USP36: variants seen among roughly 807,000 people sequenced by gnomAD.
The protein encoded by USP36 is ubiquitin specific peptidase 36, also known as ubiquitin carboxyl-terminal hydrolase 36.
In USP36, 59 loss-of-function variants were observed where a neutral mutation model predicts 111.5. The ratio of observed to expected loss-of-function variants is 0.53; its 90% CI spans 0.43 to 0.66. The LOEUF (loss-of-function observed/expected upper bound fraction) is 0.66. Among genes scored for constraint, USP36 ranks in the 30% least tolerant of loss-of-function variants. USP36 has a pLI of 0.00. For synonymous variants in USP36, 628 were observed against 581.0 expected (o/e 1.08, Z -1.16); for missense variants, 1,488 against 1,468.0 (o/e 1.01, Z -0.22).
At chr17:78,827,907 T>C (rs1210947811) in intron 5 of USP36, among the ~76,000 whole-genome samples, 3 of 152,116 alleles carry the variant, frequency 2.0e-5, no homozygotes, top group Non-Finnish European at 4.4e-5. Context: ...CAAGACTCTA[T>C]CTCAGAAAGA....
intron 17 of USP36, 93 bp from the exon 18 acceptor site, chr17:78,799,861 G>C: frequency 3.0e-5 from 10 of 334,398 alleles, no homozygotes; most frequent in East Asian, 8.1e-5. Context: ...ACAACTTACA[G>C]TAAGTGGATG....
intron 6 of USP36, among the ~76,000 whole-genome samples, chr17:78,825,103 A>G (rs2067416935): frequency 6.6e-6 from 1 of 152,198 alleles, no homozygotes; most frequent in East Asian, 1.9e-4. Flanking sequence ...GGACAAGAGC[A>G]CATGGATATA....
At chr17:78,820,212 C>T (rs374510044) in intron 8 of USP36, among the ~76,000 whole-genome samples, 200 bp from the exon 9 acceptor site, 102 of 152,294 alleles carry the variant, frequency 6.7e-4, no homozygotes, top group African/African-American at 2.1e-3. Context: ...CAGCGGCTCA[C>T]GCCTATAATC....
chr17:78,816,677 A>G (rs2094197703), intron 10 of USP36, among the ~76,000 whole-genome samples: 2 of 151,840 alleles, frequency 1.3e-5, no homozygotes, highest in Admixed American at 1.3e-4. Context: ...GGGTCTCACT[A>G]TGTTGCCCAA....
intron 3 of USP36, among the ~76,000 whole-genome samples, chr17:78,790,055 T>C (rs1001495684): frequency 2.6e-5 from 4 of 152,174 alleles, no homozygotes; most frequent in Non-Finnish European, 5.9e-5. Flanking sequence ...CCAAGAGAAC[T>C]GTAGCCACAT....
intron 2 of USP36, 34 bp from the exon 3 acceptor site, chr17:78,836,406 T>TAACGAAATCCCGGGACAAA: frequency 6.3e-7 from 1 of 1,597,880 alleles, no homozygotes; most frequent in East Asian, 2.2e-5. Context: ...GAGCCATAGA[T>TAACGAAATCCCGGGACAAA]AACGAAATCC....
At chr17:78,802,271 C>A in intron 17 of USP36, 53 bp downstream of exon 17, 15 of 1,403,120 alleles carry the variant, frequency 1.1e-5, no homozygotes, top group East Asian at 2.6e-5. Context: ...GGTCCCCCAA[C>A]CCCTCGCCCG....
At position 78,836,259 on chromosome 17, in the gene USP36, G is replaced by C; in HGVS notation, c.105C>G (p.Val35=). The C allele has an allele frequency of 6.2e-7, 1 of 1,614,140 alleles. No homozygotes were observed. The highest frequency in any genetic ancestry group is 8.5e-7 in the Non-Finnish European group (1 of 1,180,024). Residue 35 remains valine (V), a synonymous_variant, in exon 3 of 21, where the codon GTC becomes GTG. Transcript: ENST00000449938. ...GKLLASSAKK[V]LLQKIEFEPA... Reference sequence around the variant, plus strand: ...GCTCGAACTCGATTTTCTGTAAAAGGACCTTCTTGGCAGAGGAGGCAAGAA... The same window carrying C: ...GCTCGAACTCGATTTTCTGTAAAAGCACCTTCTTGGCAGAGGAGGCAAGAA...
chr17:78,796,257 G>T lies in USP36; in HGVS notation c.*1643C>A, dbSNP rs1420998140. On this transcript the variant is annotated 3_prime_UTR_variant, in exon 21 of 21. Transcript: ENST00000449938. Reference sequence around the variant, plus strand: ...TACAGAACATCACACGGTAAACATGGCAGAGGGAACAGTTCACACAGGAAT... The same window carrying T: ...TACAGAACATCACACGGTAAACATGTCAGAGGGAACAGTTCACACAGGAAT... 6.6e-6 allele frequency: 1 copy of T among 152,180 alleles called. No individual in the cohort carries two copies. Among genetic ancestry groups the T allele is most frequent in the African/African-American group, 2.4e-5 (1 of 41,422 alleles). 9.4% of individuals were successfully genotyped at this position (152,180 alleles called of 1,614,324 possible). A position where few individuals can be genotyped will look rare whatever the true frequency, so the allele number is the denominator to read the frequency against.
In USP36 at chr17:78,799,666, C is replaced by T. The variant is rs746603194; in HGVS notation, c.3124+1G>A. 6.2e-7 allele frequency: 1 copy of T among 1,611,916 alleles called. No homozygotes were observed. The highest frequency in any genetic ancestry group is 8.5e-7 in the Non-Finnish European group (1 of 1,179,242). ...CAGAAGTCCTGTCTCCAAATCAGTA[C>T]CTTTTCTCCCGTAAGCTTTATCAGA... On this transcript the variant is annotated splice_donor_variant, in intron 18 of 20. Transcript: ENST00000449938. LOFTEE classifies it high-confidence loss of function.
chr17:78,832,283 G>A (rs962092958), intron 4 of USP36, among the ~76,000 whole-genome samples: 1 of 152,304 alleles, frequency 6.6e-6, no homozygotes, highest in Admixed American at 6.5e-5. Context: ...ACCCTCGTCA[G>A]AACAAACACC....
chr17:78,838,621 GC>G lies in USP36; in HGVS notation c.-45del, dbSNP rs1173661225. 6.6e-6 allele frequency: 1 copy of G among 152,218 alleles called. No homozygotes were observed. The highest frequency in any genetic ancestry group is 1.5e-5 in the Non-Finnish European group (1 of 68,092). The allele number at this position is 152,218 out of a possible 1,614,324, so 9.4% of individuals were successfully genotyped here. Reference sequence around the variant, plus strand: ...GCAGACTTGGGCCTGCTGTCCTACTGCGGCATGGAACCAGGATCTTAACGGA... The same window carrying G: ...GCAGACTTGGGCCTGCTGTCCTACTGGGCATGGAACCAGGATCTTAACGGA... On this transcript the variant is annotated 5_prime_UTR_variant, in exon 2 of 21. It introduces an in-frame stop codon into an upstream open reading frame of the 5' UTR. Coordinates refer to ENST00000449938, the MANE Select transcript of USP36 (RefSeq NM_001385174.1).
At position 78,820,090 on chromosome 17, in the gene USP36, T is replaced by G. The variant is rs551292546; in HGVS notation, c.829-78A>C. On this transcript the variant is annotated intron_variant, in intron 8 of 20. Coordinates refer to ENST00000449938, the MANE Select transcript of USP36 (RefSeq NM_001385174.1). Reference sequence around the variant, plus strand: ...TTCAAGAAATGCCAAATTTAAGGTCTTTTTTAGGCTGAGGCAGCAAATCAC... The same window carrying G: ...TTCAAGAAATGCCAAATTTAAGGTCGTTTTTAGGCTGAGGCAGCAAATCAC... 3.4e-6 allele frequency: 5 copies of G among 1,473,722 alleles called. No homozygotes were observed. In the Admixed American group the frequency reaches 8.8e-5, roughly 26 times the overall value. 91.3% of individuals were successfully genotyped at this position (1,473,722 alleles called of 1,614,324 possible).
intron 4 of USP36, among the ~76,000 whole-genome samples, chr17:78,834,699 T>A (rs1288873768): frequency 1.3e-5 from 2 of 152,136 alleles, no homozygotes; most frequent in Non-Finnish European, 2.9e-5. Flanking sequence ...CACCTCTGCC[T>A]CCCACAGGTG....
At chr17:78,800,820 C>G (rs1445839364) in intron 17 of USP36, among the ~76,000 whole-genome samples, 1 of 152,198 alleles carries the variant, frequency 6.6e-6, no homozygotes, top group South Asian at 2.1e-4. Flanking sequence ...CCCGAGGGCC[C>G]AGGGCGCACT....
chr17:78,813,999 G>A, intron 11 of USP36, 126 bp from the exon 12 acceptor site: 1 of 777,150 alleles, frequency 1.3e-6, no homozygotes, highest in East Asian at 2.7e-5. Flanking sequence ...ATAATCAACA[G>A]GTAACAACTT....
intron 14 of USP36, among the ~76,000 whole-genome samples, chr17:78,806,491 A>G (rs2093905071): frequency 6.6e-6 from 1 of 152,180 alleles, no homozygotes; most frequent in Non-Finnish European, 1.5e-5. Context: ...GTTAGAAACA[A>G]AAAAAAGGAA....
chr17:78,824,771 C>T (rs2067384159), intron 6 of USP36, among the ~76,000 whole-genome samples: 1 of 152,138 alleles, frequency 6.6e-6, no homozygotes. Context: ...GTCATTTTGG[C>T]TTACAAAACA....
intron 7 of USP36, 27 bp from the exon 8 acceptor site, chr17:78,821,088 A>G: frequency 1.3e-6 from 2 of 1,579,990 alleles, no homozygotes; most frequent in Non-Finnish European, 1.7e-6. Flanking sequence ...GCAGTGGAGC[A>G]GGTGGGGCCT....
Sources: allele counts gnomAD v4.1 joint callset (sites outside exome capture counted in the v4.1 genomes callset), GRCh38; gene constraint gnomAD v4.1.1; transcripts MANE v1.5; gene names NCBI Gene and HGNC (gene_info 2026-07-23, HGNC 2026-07-21).